The following CPED1 variants were observed in gnomAD, a reference collection of about 807,000 sequenced individuals.
The protein encoded by CPED1 is cadherin like and PC-esterase domain containing 1.
In CPED1, 114 loss-of-function variants were observed where a neutral mutation model predicts 128.2. The ratio of observed to expected loss-of-function variants is 0.89; its 90% CI spans 0.76 to 1.04. The LOEUF is 1.04. Among genes scored for constraint, CPED1 ranks in the 50% least tolerant of loss-of-function variants. The pLI is 0.00. For synonymous variants in CPED1, 462 were observed against 426.7 expected (o/e 1.08, Z -1.02); for missense variants, 1,211 against 1,207.1 (o/e 1.00, Z -0.05).
At position 121,295,655 on chromosome 7, in the gene CPED1, T is replaced by C. The variant is rs1179805432; in HGVS notation, c.*3T>C. On this transcript the variant is annotated 3_prime_UTR_variant, in exon 23 of 23. Coordinates refer to ENST00000310396, the MANE Select transcript of CPED1 (RefSeq NM_024913.5). ...GTGCAAATAAAAGGACTATGTAGGC[T>C]CCCTGCAGGAGAGCTGAATCTGGAG... 1 of 1,612,804 alleles carries C rather than the reference T, an allele frequency of 6.2e-7. No homozygotes were observed. Among genetic ancestry groups the C allele is most frequent in the Admixed American group, 1.7e-5 (1 of 59,964 alleles).
At chr7:121,119,291 A>C (rs1795327830) in intron 7 of CPED1, among the ~76,000 whole-genome samples, 1 of 149,888 alleles carries the variant, frequency 6.7e-6, no homozygotes, top group East Asian at 2.0e-4. Context: ...GGGCAGTGGC[A>C]AAATCTTGAC....
chr7:121,141,973 C>G lies in CPED1; in HGVS notation c.1887C>G (p.Ser629Arg). 1.2e-6 allele frequency: 2 copies of G among 1,611,392 alleles called. No individual in the cohort carries two copies. Among genetic ancestry groups the G allele is most frequent in the Non-Finnish European group, 1.7e-6 (2 of 1,178,140 alleles). ...TTTCTCTCTCCCTCTTTCTCTCCAG[C>G]TTTGCCAGCTACCCTCTGGGCTTAG... Reference protein sequence around the residue: ...KVHLYEQAGPSFASYPLGLGM... With the variant: ...KVHLYEQAGPRFASYPLGLGM... Residue 629 changes from serine (S) to arginine (R), a missense_variant and splice_region_variant, in exon 16 of 23, where the codon AGC (serine) becomes AGG (arginine). Coordinates refer to ENST00000310396, the MANE Select transcript of CPED1 (RefSeq NM_024913.5).
At chr7:121,166,463 A>T (rs1796527255) in intron 16 of CPED1, among the ~76,000 whole-genome samples, 1 of 152,212 alleles carries the variant, frequency 6.6e-6, no homozygotes, top group African/African-American at 2.4e-5. Context: ...ATACATTTTA[A>T]ATGATTCCAG....
intron 22 of CPED1, among the ~76,000 whole-genome samples, chr7:121,276,752 T>C (rs1798559888): frequency 6.6e-6 from 1 of 152,120 alleles, no homozygotes; most frequent in Non-Finnish European, 1.5e-5. Flanking sequence ...TGAACCAAAG[T>C]AGCTCTGAAA....
chr7:121,273,859 AG>A (rs1792281312), intron 22 of CPED1, among the ~76,000 whole-genome samples: 1 of 152,156 alleles, frequency 6.6e-6, no homozygotes, highest in Non-Finnish European at 1.5e-5. Flanking sequence ...TAGAAATGCA[AG>A]GGCTGTAGCC....
intron 4 of CPED1, among the ~76,000 whole-genome samples, chr7:121,060,084 G>C (rs969212577): frequency 1.3e-5 from 2 of 152,194 alleles, no homozygotes; most frequent in African/African-American, 2.4e-5. Flanking sequence ...CGGCCCTGCC[G>C]GCCCGGGCAA....
intron 18 of CPED1, among the ~76,000 whole-genome samples, chr7:121,256,471 T>C (rs1791880718): frequency 6.6e-6 from 1 of 151,926 alleles, no homozygotes; most frequent in Admixed American, 6.6e-5. Context: ...CCTCAAGCTA[T>C]AAAAATCCTA....
chr7:121,225,178 A>G (rs1396605625), intron 16 of CPED1, among the ~76,000 whole-genome samples: 1 of 152,116 alleles, frequency 6.6e-6, no homozygotes, highest in Non-Finnish European at 1.5e-5. Context: ...GGTGGTGACA[A>G]AATCTCTCAG....
intron 16 of CPED1, among the ~76,000 whole-genome samples, chr7:121,171,829 TA>T (rs921729292): frequency 2.0e-5 from 3 of 152,200 alleles, no homozygotes; most frequent in African/African-American, 7.2e-5. Context: ...TAACCTTTCC[TA>T]AATTAAAATG....
At chr7:121,138,496 C>T (rs554966118) in intron 14 of CPED1, among the ~76,000 whole-genome samples, 14 of 152,130 alleles carry the variant, frequency 9.2e-5, no homozygotes, top group Admixed American at 7.9e-4. Context: ...AGTGCTCACA[C>T]CAGAGATGGA....
At chr7:121,088,759 T>G in intron 5 of CPED1, among the ~76,000 whole-genome samples, 1 of 16,808 alleles carries the variant, frequency 5.9e-5, no homozygotes, top group Non-Finnish European at 1.3e-4. Flanking sequence ...TAGGCAAAAA[T>G]TGGCAAAAAA....
intron 4 of CPED1, among the ~76,000 whole-genome samples, chr7:121,060,757 A>G (rs1793640720): frequency 6.6e-6 from 1 of 152,202 alleles, no homozygotes; most frequent in Non-Finnish European, 1.5e-5. Context: ...GAATAAAAGC[A>G]GGCTGTCCCA....
chr7:121,111,800 G>A (rs556354799), intron 7 of CPED1, among the ~76,000 whole-genome samples: 3 of 152,294 alleles, frequency 2.0e-5, no homozygotes, highest in East Asian at 3.9e-4. Context: ...AAAAAGAGGA[G>A]AAATGAAGAC....
At chr7:121,115,786 C>A (rs938437620) in intron 7 of CPED1, among the ~76,000 whole-genome samples, 8 of 152,088 alleles carry the variant, frequency 5.3e-5, no homozygotes, top group African/African-American at 1.9e-4. Context: ...TCAAAGAAGG[C>A]TTGGTTTTAA....
chr7:121,128,511 C>G (rs1795566195), intron 11 of CPED1, 25 bp downstream of exon 11: 1 of 1,228,714 alleles, frequency 8.1e-7, no homozygotes, highest in Non-Finnish European at 1.2e-6. Flanking sequence ...ACATTTGATT[C>G]TTTCTTGGTG....
rs148400640 is a variant in CPED1 at position 121,111,819 on chromosome 7, A to G, written c.918+11725A>G. Among the ~76,000 whole-genome samples the G allele has an allele frequency of 3.9e-5, 6 of 152,354 alleles. No homozygotes were observed. The East Asian group carries it at 1.2e-3, about 29-fold the overall frequency. ...AGAGGAGAAATGAAGACAAAATTTA[A>G]ACAATGATAAAAGGCAAATTGAATC... On this transcript the variant is annotated intron_variant, in intron 7 of 22. Coordinates refer to ENST00000310396, the MANE Select transcript of CPED1 (RefSeq NM_024913.5).
At chr7:121,274,438 A>G (rs888878040) in intron 22 of CPED1, among the ~76,000 whole-genome samples, 3 of 109,310 alleles carry the variant, frequency 2.7e-5, no homozygotes, top group African/African-American at 5.4e-5. Flanking sequence ...TCTTAACTCT[A>G]TTTCTGATGT....
At chr7:121,223,692 T>G (rs1797938645) in intron 16 of CPED1, among the ~76,000 whole-genome samples, 1 of 152,086 alleles carries the variant, frequency 6.6e-6, no homozygotes, top group Admixed American at 6.6e-5. Flanking sequence ...TCATGGGAGT[T>G]GTATATGTCC....
chr7:121,223,239 G>GT (rs904677695), intron 16 of CPED1, among the ~76,000 whole-genome samples: 8 of 152,188 alleles, frequency 5.3e-5, no homozygotes, highest in Non-Finnish European at 7.3e-5. Context: ...CATTGGTTCT[G>GT]TTTATGTGAT....
Sources: gnomAD v4.1 joint callset for allele counts (sites outside exome capture counted in the v4.1 genomes callset) on GRCh38, gnomAD v4.1.1 for gene constraint, MANE v1.5 for transcripts, NCBI Gene and HGNC (gene_info 2026-07-23, HGNC 2026-07-21) for gene names.